Variants in UNC80 observed in about 807,000 individuals in gnomAD.
UNC80 encodes the protein protein unc-80 homolog.
UNC80 carries 164 observed loss-of-function variants against 384.6 expected under a neutral mutation model. That is an observed-to-expected ratio of 0.43 (90% CI 0.38 to 0.49). The LOEUF is 0.49. Among genes scored for constraint, UNC80 ranks in the 20% least tolerant of loss-of-function variants. The probability of loss-of-function intolerance (pLI) is 0.00; values close to 1 mark genes in which losing one functional copy is unlikely to be tolerated. For missense variants in UNC80, 3,330 were observed against 4,143.0 expected (o/e 0.80, Z 5.39); for synonymous variants, 1,486 against 1,527.8 (o/e 0.97, Z 0.64).
Position 209,862,970 on chromosome 2 carries a change from A to C in UNC80, c.3628-9788A>C, listed in dbSNP as rs940237399. The stretch of plus-strand genomic sequence containing the variant: ...TTAGTGTGTTTTTGCAGTGGCTGGT[A>C]CCAGCTTTTCCTTTCCATATTTAGT... On this transcript the variant is annotated intron_variant, in intron 22 of 64. Transcript: ENST00000673920. Among the ~76,000 whole-genome samples, 8 of 152,120 alleles carry C rather than the reference A, an allele frequency of 5.3e-5. No individual in the cohort carries two copies. In the East Asian group the frequency reaches 1.3e-3, roughly 26 times the overall value.
intron 36 of UNC80, among the ~76,000 whole-genome samples, chr2:209,927,609 G>A (rs1052971516): frequency 2.6e-5 from 4 of 152,214 alleles, no homozygotes; most frequent in African/African-American, 4.8e-5. Flanking sequence ...CCAGAAAGTC[G>A]GCAAATATTA....
At chr2:209,936,321 T>A (rs923049909) in intron 40 of UNC80, among the ~76,000 whole-genome samples, 4 of 152,188 alleles carry the variant, frequency 2.6e-5, no homozygotes, top group Non-Finnish European at 5.9e-5. Flanking sequence ...TAGTCTCAGT[T>A]TCATTTTCAA....
intron 29 of UNC80, among the ~76,000 whole-genome samples, chr2:209,911,044 A>G (rs1472847828): frequency 6.6e-6 from 1 of 152,144 alleles, no homozygotes; most frequent in Admixed American, 6.5e-5. Context: ...AAGAGGCTTA[A>G]TTAACTCACA....
chr2:209,974,767 G>A (rs2092967593), intron 56 of UNC80, among the ~76,000 whole-genome samples: 1 of 152,238 alleles, frequency 6.6e-6, no homozygotes. Flanking sequence ...GAGCTAGAAT[G>A]AGTCTCTGTT....
At chr2:209,868,635 G>T (rs551427829) in intron 22 of UNC80, among the ~76,000 whole-genome samples, 3 of 152,222 alleles carry the variant, frequency 2.0e-5, no homozygotes, top group Admixed American at 2.0e-4. Context: ...AGAAGTCAAG[G>T]AAAGTAGCCA....
intron 7 of UNC80, among the ~76,000 whole-genome samples, chr2:209,811,834 A>G (rs530567697): frequency 3.3e-5 from 5 of 152,344 alleles, no homozygotes; most frequent in Admixed American, 2.0e-4. Context: ...AAAAAATAAT[A>G]AAGTATGGTA....
intron 37 of UNC80, among the ~76,000 whole-genome samples, chr2:209,930,176 A>G (rs2090744850): frequency 1.3e-5 from 2 of 152,050 alleles, no homozygotes; most frequent in Admixed American, 6.6e-5. Flanking sequence ...TTCTATATAT[A>G]TATATATTAC....
At chr2:209,954,616 A>T (rs1396919570) in intron 48 of UNC80, among the ~76,000 whole-genome samples, 2 of 152,214 alleles carry the variant, frequency 1.3e-5, no homozygotes, top group Non-Finnish European at 2.9e-5. Flanking sequence ...TTAAAGATGT[A>T]ATCTACATTT....
At chr2:209,879,541 T>A (rs565293747) in intron 24 of UNC80, among the ~76,000 whole-genome samples, 2 of 152,306 alleles carry the variant, frequency 1.3e-5, no homozygotes, top group East Asian at 3.9e-4. Context: ...GCAGGACTGG[T>A]AAGAAAAGCC....
chr2:209,917,745 A>AGC (rs1559326410), intron 31 of UNC80, 32 bp from the exon 32 acceptor site: 2 of 1,550,208 alleles, frequency 1.3e-6, no homozygotes, highest in Non-Finnish European at 1.7e-6. Context: ...ATATTTTAAA[A>AGC]GCATAGCTGA....
intron 27 of UNC80, among the ~76,000 whole-genome samples, chr2:209,895,765 G>A (rs1465262050): frequency 6.6e-6 from 1 of 152,186 alleles, no homozygotes; most frequent in East Asian, 1.9e-4. Flanking sequence ...ACACAGAGAG[G>A]AGTTTGGACA....
intron 35 of UNC80, among the ~76,000 whole-genome samples, chr2:209,924,897 A>C (rs1376432538): frequency 6.6e-6 from 1 of 151,878 alleles, no homozygotes; most frequent in Non-Finnish European, 1.5e-5. Flanking sequence ...TAGGTCAAGT[A>C]GTGACAATTC....
intron 51 of UNC80, among the ~76,000 whole-genome samples, chr2:209,963,377 A>C (rs977743197): frequency 3.3e-5 from 5 of 152,226 alleles, no homozygotes; most frequent in Non-Finnish European, 2.9e-5. Context: ...ATGTGATAGT[A>C]CAGCAAAGAC....
rs553977942 is a variant in UNC80, at chr2:209,896,375, G to A, written c.4543G>A (p.Ala1515Thr). ...GCCAGAGGGAATGAGTAATGCCGGCGCGGAGGAGAATTACCACAGAAACAT... is the reference window on the plus strand; with the variant it reads ...GCCAGAGGGAATGAGTAATGCCGGCACGGAGGAGAATTACCACAGAAACAT... ...IEPEGMSNAG[A>T]EENYHRNMSW... The change falls in exon 28 of 65, where the codon GCG becomes ACG. Residue 1515 changes from alanine (A) to threonine (T), a missense_variant. Physicochemically the swap from Ala to Thr is moderately conservative, Grantham distance 58. Coordinates refer to ENST00000673920, the MANE Select transcript of UNC80 (RefSeq NM_001371986.1). 128 of 1,551,566 alleles carry A rather than the reference G, an allele frequency of 8.2e-5. No homozygotes were observed. In the Admixed American group the frequency reaches 1.8e-3, roughly 22 times the overall value.
At chr2:209,845,693 G>A (rs958730625) in intron 21 of UNC80, among the ~76,000 whole-genome samples, 2 of 152,064 alleles carry the variant, frequency 1.3e-5, no homozygotes, top group African/African-American at 2.4e-5. Context: ...GCTTTGGGCT[G>A]GCAAGAGAAT....
At chr2:209,858,850 CT>C in intron 22 of UNC80, among the ~76,000 whole-genome samples, 1 of 151,876 alleles carries the variant, frequency 6.6e-6, no homozygotes, top group African/African-American at 2.4e-5. Context: ...ATTTATTACA[CT>C]TTTTATTTTT....
Position 209,813,852 on chromosome 2 carries a change from C to T in UNC80, c.1200+11C>T. ...ACCCACAAAACCCAAGTAAGAAAAA[C>T]CCGGTTCATTGTCATTCAAACCAGC... On this transcript the variant is annotated intron_variant, in intron 8 of 64. Coordinates refer to ENST00000673920, the MANE Select transcript of UNC80 (RefSeq NM_001371986.1). 7 of 1,549,706 alleles carry T rather than the reference C, an allele frequency of 4.5e-6. No homozygotes were observed. Among genetic ancestry groups the T allele is most frequent in the Non-Finnish European group, 6.1e-6 (7 of 1,145,904 alleles).
chr2:209,986,490 C>T (rs896209715), intron 61 of UNC80, among the ~76,000 whole-genome samples: 3 of 152,168 alleles, frequency 2.0e-5, no homozygotes, highest in Non-Finnish European at 4.4e-5. Flanking sequence ...TGTCCTGGTT[C>T]CAGTGTCAAT....
intron 28 of UNC80, among the ~76,000 whole-genome samples, chr2:209,903,589 T>TATATACTATATATAGTATATATGTA (rs2087785563): frequency 2.9e-5 from 3 of 101,906 alleles, no homozygotes; most frequent in East Asian, 2.5e-4. Context: ...ATATGTAATA[T>TATATACTATATATAGTATATATGTA]ATATATACTA....
Sources: gnomAD v4.1 joint callset for allele counts (sites outside exome capture counted in the v4.1 genomes callset) on GRCh38, gnomAD v4.1.1 for gene constraint, MANE v1.5 for transcripts, NCBI Gene and HGNC (gene_info 2026-07-23, HGNC 2026-07-21) for gene names.